BNC1: variants seen among roughly 807,000 people sequenced by gnomAD.
The protein encoded by BNC1 is basonuclin zinc finger protein 1.
In BNC1, 8 loss-of-function variants were observed where a neutral mutation model predicts 66.5. The observed-to-expected ratio is 0.12, with a 90% CI of 0.07 to 0.22. The LOEUF is 0.22. BNC1 is among the 10% of genes least tolerant of loss of function. BNC1 has a pLI of 1.00. For missense variants in BNC1, 1,069 were observed against 1,241.3 expected, an observed-to-expected ratio of 0.86 and a Z score of 2.09; for synonymous variants, 454 against 452.6, an observed-to-expected ratio of 1.00 and a Z score of -0.04.
rs1595938079 is a variant in BNC1 at position 83,267,043 on chromosome 15, C to T, written c.228G>A (p.Met76Ile). 1 of 1,613,962 alleles carries T rather than the reference C, an allele frequency of 6.2e-7. No individual in the cohort carries two copies. The highest frequency in any genetic ancestry group is 1.1e-5 in the South Asian group (1 of 91,060). Residue 76 changes from methionine (M) to isoleucine (I), a missense_variant, in exon 3 of 5, where the codon ATG becomes ATA. By Grantham distance (10) the Met-to-Ile change is conservative. Around this residue, in one of 7 missense-constraint regions of BNC1, gnomAD observed 30 missense variants for 20.2 expected, o/e 1.49. Coordinates refer to ENST00000345382, the MANE Select transcript of BNC1 (RefSeq NM_001717.4). ...CAATCTCCACCTGGCTTGTTGGATACATGGGGGGGATCCTTAGCTTACTTA... is the reference window on the plus strand; with the variant it reads ...CAATCTCCACCTGGCTTGTTGGATATATGGGGGGGATCCTTAGCTTACTTA... ...HALSKLRIPP[M>I]YPTSQVEIVQ... is the part of the protein sequence containing the mutation.
chr15:83,263,825 C>T lies in BNC1; in HGVS notation c.1426G>A (p.Gly476Ser), dbSNP rs986178330. ...GTCTTTAGGTTGGGAAAAAGCACAC[C>T]ATTTTGCCCAATGTTTGGGAAGGCT... is the stretch of plus-strand genomic sequence containing the variant. ...QPAFPNIGQN[G>S]VLFPNLKTVQ... is the part of the protein sequence containing the mutation. Residue 476 changes from glycine to serine, a missense_variant, in exon 4 of 5, where the codon GGT (glycine) becomes AGT (serine). Around this residue, in one of 7 missense-constraint regions of BNC1, gnomAD observed 657 missense variants for 715.8 expected, o/e 0.92. Coordinates refer to ENST00000345382, the MANE Select transcript of BNC1 (RefSeq NM_001717.4). The T allele has an allele frequency of 6.2e-7, 1 of 1,614,116 alleles. No individual in the cohort carries two copies. Among genetic ancestry groups the T allele is most frequent in the Non-Finnish European group, 8.5e-7 (1 of 1,180,024 alleles).
Position 83,257,130 on chromosome 15 carries a change from G to A in BNC1, c.*312C>T, listed in dbSNP as rs1288780853. 7.9e-6 allele frequency: 3 copies of A among 379,650 alleles called. No homozygotes were observed. Among genetic ancestry groups the A allele is most frequent in the African/African-American group, 4.2e-5 (2 of 47,904 alleles). 23.5% of individuals were successfully genotyped at this position (379,650 alleles called of 1,614,324 possible). A position where few individuals can be genotyped will look rare whatever the true frequency, so the allele number is the denominator to read the frequency against. On this transcript the variant is annotated 3_prime_UTR_variant, in exon 5 of 5. Coordinates refer to ENST00000345382, the MANE Select transcript of BNC1 (RefSeq NM_001717.4). ...CCACCCCCAGGTCCTGGGCCCACTG[G>A]TGTCGATCTGCAGACCTGGATCTGT...
chr15:83,271,340 T>C (rs551422036), intron 1 of BNC1, among the ~76,000 whole-genome samples: 1 of 152,312 alleles, frequency 6.6e-6, no homozygotes, highest in South Asian at 2.1e-4. Context: ...TGGACTAGAA[T>C]GGGTTTGAAC....
In BNC1 at chr15:83,263,891, G is replaced by A. The variant is rs2038182184; in HGVS notation, c.1360C>T (p.Pro454Ser). The change falls in exon 4 of 5, where the codon CCC becomes TCC. Residue 454 changes from proline (P) to serine (S), a missense_variant. Coordinates refer to ENST00000345382, the MANE Select transcript of BNC1 (RefSeq NM_001717.4). ...TVTSPDCRPP[P>S]SYPGSGEDSK... ...TCCTCTCCTGAACCAGGGTAGCTGG[G>A]AGGAGGCCTACAGTCTGGGGACGTC... 2 of 1,614,202 alleles carry A rather than the reference G, an allele frequency of 1.2e-6. No homozygotes were observed. The highest frequency in any genetic ancestry group is 1.7e-6 in the Non-Finnish European group (2 of 1,180,038).
intron 1 of BNC1, among the ~76,000 whole-genome samples, chr15:83,275,306 G>A (rs777672172): frequency 1.8e-4 from 28 of 152,142 alleles, no homozygotes; most frequent in Non-Finnish European, 3.8e-4. Context: ...GACCAGACTG[G>A]CCAACATGGC....
Position 83,266,823 on chromosome 15 carries a change from A to G in BNC1, c.435+13T>C. ...AAAGCACCCTAGGAGGACAATGTTC[A>G]TGTTTACTGTACCTGCAGTACGTAT... On this transcript the variant is annotated intron_variant, in intron 3 of 4. Coordinates refer to ENST00000345382, the MANE Select transcript of BNC1 (RefSeq NM_001717.4). The G allele has an allele frequency of 6.2e-7, 1 of 1,609,424 alleles. No individual in the cohort carries two copies. Among genetic ancestry groups the G allele is most frequent in the Non-Finnish European group, 8.5e-7 (1 of 1,175,666 alleles).
At chr15:83,274,367 A>G (rs868222820) in intron 1 of BNC1, among the ~76,000 whole-genome samples, 2 of 152,336 alleles carry the variant, frequency 1.3e-5, no homozygotes, top group Middle Eastern at 3.4e-3. Flanking sequence ...CCTGGGTGAC[A>G]GAGTGAGACT....
rs2038162199 is a variant in BNC1, at chr15:83,263,020, A to G, written c.2231T>C (p.Val744Ala). The change falls in exon 4 of 5, where the codon GTC becomes GCC. Residue 744 changes from valine to alanine, a missense_variant. This residue lies in a region of BNC1 where 657 missense variants were observed against 715.8 expected (regional missense o/e 0.92). Coordinates refer to ENST00000345382, the MANE Select transcript of BNC1 (RefSeq NM_001717.4). Reference sequence around the variant, plus strand: ...CACTGTGCATGTGTGCATTTCTTTGACATGCATATTCTTGTGATGAATTTT... The same window carrying G: ...CACTGTGCATGTGTGCATTTCTTTGGCATGCATATTCTTGTGATGAATTTT... ...SVKIHHKNMH[V>A]KEMHTCTVEG... The G allele has an allele frequency of 1.9e-6, 3 of 1,614,194 alleles. No individual in the cohort carries two copies. The highest frequency in any genetic ancestry group is 2.5e-6 in the Non-Finnish European group (3 of 1,180,032).
At chr15:83,280,264 T>C (rs2038364847) in intron 1 of BNC1, among the ~76,000 whole-genome samples, 1 of 152,178 alleles carries the variant, frequency 6.6e-6, no homozygotes, top group Non-Finnish European at 1.5e-5. Context: ...ATAACCTAAT[T>C]TGGGAAACCT....
intron 1 of BNC1, among the ~76,000 whole-genome samples, chr15:83,278,631 T>A (rs1197067730): frequency 6.6e-6 from 1 of 152,170 alleles, no homozygotes; most frequent in East Asian, 1.9e-4. Flanking sequence ...AAAAAATCAT[T>A]GATGAGACAA....
intron 1 of BNC1, among the ~76,000 whole-genome samples, chr15:83,269,053 A>C (rs937609388): frequency 6.6e-6 from 1 of 152,098 alleles, no homozygotes. Context: ...GTGAAACCCT[A>C]TCTCTACTAA....
intron 1 of BNC1, among the ~76,000 whole-genome samples, chr15:83,276,193 G>A (rs184998419): frequency 2.0e-4 from 31 of 152,316 alleles, no homozygotes; most frequent in African/African-American, 7.5e-4. Flanking sequence ...TCAAAACAGT[G>A]AGACTGTTAC....
rs1353797070 is a variant in BNC1 at position 83,263,390 on chromosome 15, T to C, written c.1861A>G (p.Ile621Val). ...RESVIESSGA[I>V]SQTPEQATHN... is the part of the protein sequence containing the mutation. ...GTGGCCTGCTCAGGGGTTTGGCTGATGGCTCCACTGGACTCAATTACTGAT... is the reference window on the plus strand; with the variant it reads ...GTGGCCTGCTCAGGGGTTTGGCTGACGGCTCCACTGGACTCAATTACTGAT... Residue 621 changes from isoleucine (I) to valine (V), a missense_variant, in exon 4 of 5, where the codon ATC (isoleucine) becomes GTC (valine). Ile to Val is a conservative substitution (Grantham distance 29). Transcript: ENST00000345382. The C allele has an allele frequency of 6.2e-7, 1 of 1,614,126 alleles. No homozygotes were observed. Among genetic ancestry groups the C allele is most frequent in the African/African-American group, 1.3e-5 (1 of 74,944 alleles).
At chr15:83,261,605 G>A (rs2038140830) in intron 4 of BNC1, among the ~76,000 whole-genome samples, 1 of 152,204 alleles carries the variant, frequency 6.6e-6, no homozygotes, top group South Asian at 2.1e-4. Context: ...AGGGAGGAAG[G>A]TGACCTGAAG....
intron 1 of BNC1, among the ~76,000 whole-genome samples, chr15:83,281,849 G>C (rs2038381841): frequency 6.6e-6 from 1 of 152,218 alleles, no homozygotes; most frequent in Non-Finnish European, 1.5e-5. Flanking sequence ...TATCGGGTTG[G>C]ATCGTCTTTC....
At position 83,262,844 on chromosome 15, in the gene BNC1, G is replaced by C. The variant is rs567439736; in HGVS notation, c.2300+107C>G. On this transcript the variant is annotated intron_variant, in intron 4 of 4. Coordinates refer to ENST00000345382, the MANE Select transcript of BNC1 (RefSeq NM_001717.4). ...GATCTAATGAAGTGGAAATTCTAGG[G>C]TGGGGCTCAGAAGTCTGTGTTTTAA... 6 of 1,204,336 alleles carry C rather than the reference G, an allele frequency of 5.0e-6. No individual in the cohort carries two copies. In the African/African-American group the frequency reaches 9.2e-5, roughly 19 times the overall value. 74.6% of individuals were successfully genotyped at this position (1,204,336 alleles called of 1,614,324 possible). A position where few individuals can be genotyped will look rare whatever the true frequency, so the allele number is the denominator to read the frequency against.
chr15:83,258,645 G>T (rs925646464), intron 4 of BNC1, among the ~76,000 whole-genome samples: 1 of 152,144 alleles, frequency 6.6e-6, no homozygotes, highest in Non-Finnish European at 1.5e-5. Flanking sequence ...GGAACCAGGA[G>T]ATCCCAGGAG....
At chr15:83,274,761 A>T (rs1013402297) in intron 1 of BNC1, among the ~76,000 whole-genome samples, 4 of 152,194 alleles carry the variant, frequency 2.6e-5, no homozygotes, top group African/African-American at 9.6e-5. Flanking sequence ...GTGTACAAGA[A>T]TTATTTCATT....
At chr15:83,259,907 G>A (rs930151657) in intron 4 of BNC1, among the ~76,000 whole-genome samples, 1 of 152,018 alleles carries the variant, frequency 6.6e-6, no homozygotes, top group Admixed American at 6.6e-5. Context: ...TTGGTTTCTA[G>A]GACTCTCCTA....
Sources: allele counts gnomAD v4.1 joint callset (sites outside exome capture counted in the v4.1 genomes callset), GRCh38; gene constraint gnomAD v4.1.1; regional missense constraint gnomAD v4.1.1; transcripts MANE v1.5; gene names NCBI Gene and HGNC (gene_info 2026-07-23, HGNC 2026-07-21).